Variants in ZNF300 observed in about 807,000 individuals in gnomAD.
ZNF300 encodes the protein kruppel-like zinc finger protein.
Under a neutral mutation model 13.9 loss-of-function variants are expected in ZNF300, and 6 were observed. The ratio of observed to expected loss-of-function variants is 0.43; its 90% CI spans 0.24 to 0.85. The LOEUF is 0.85. Ranked by LOEUF, ZNF300 falls within the 40% of genes least tolerant of loss-of-function variation. The probability of loss-of-function intolerance (pLI) is 0.25; values close to 1 mark genes in which losing one functional copy is unlikely to be tolerated. For missense variants in ZNF300, 662 were observed against 714.2 expected (o/e 0.93, Z 0.83); for synonymous variants, 237 against 242.2 (o/e 0.98, Z 0.20).
chr5:150,899,202 T>TTTCTA (rs1255609105), intron 3 of ZNF300, among the ~76,000 whole-genome samples: 1 of 152,100 alleles, frequency 6.6e-6, no homozygotes, highest in Non-Finnish European at 1.5e-5. Flanking sequence ...TGAGACTAAA[T>TTTCTA]TTCTATTGTT....
At chr5:150,903,653 C>A (rs1755057906) in intron 2 of ZNF300, among the ~76,000 whole-genome samples, 1 of 152,170 alleles carries the variant, frequency 6.6e-6, no homozygotes, top group Non-Finnish European at 1.5e-5. Context: ...TGAATTCCAA[C>A]AATTTTCCAA....
At position 150,896,628 on chromosome 5, in the gene ZNF300, T is replaced by TAAC. The variant is rs1754794417; in HGVS notation, c.608_610dup (p.Cys203dup). 1 of 1,613,552 alleles carries TAAC rather than the reference T, an allele frequency of 6.2e-7. No individual in the cohort carries two copies. The highest frequency in any genetic ancestry group is 1.3e-5 in the African/African-American group (1 of 74,904). ...AGGTTTTTTTCTTGAATTGCTCTTA[T>TAAC]AACAACTCGGTAGGTCAATATTTGG... On this transcript the variant is annotated inframe_insertion, in exon 6 of 6. Transcript: ENST00000274599.
rs1188667400 is a variant in ZNF300 at position 150,904,006 on chromosome 5, C to G, written c.-141-29G>C. 1.3e-5 allele frequency: 2 copies of G among 152,390 alleles called. 1 individual carries two copies. Among genetic ancestry groups the G allele is most frequent in the Non-Finnish European group, 2.9e-5 (2 of 68,082 alleles). 9.4% of individuals were successfully genotyped at this position (152,390 alleles called of 1,614,324 possible). On this transcript the variant is annotated intron_variant, in intron 1 of 5. Transcript: ENST00000274599. ...GAAGGAAACAAAAGAAACAATCATA[C>G]TCATCTCTGGATATCCCGCAGATGC...
chr5:150,900,180 A>G (rs1363403518), intron 3 of ZNF300, among the ~76,000 whole-genome samples: 10 of 152,168 alleles, frequency 6.6e-5, no homozygotes, highest in Non-Finnish European at 1.3e-4. Context: ...ATTTATTCTC[A>G]ATAGTCTAGG....
At chr5:150,903,034 T>C in intron 3 of ZNF300, 107 bp downstream of exon 3, 1 of 1,195,012 alleles carries the variant, frequency 8.4e-7, no homozygotes, top group African/African-American at 1.5e-5. Flanking sequence ...TCTTGATCTT[T>C]GTTGTTACCA....
rs1249006935 is a variant in ZNF300, at chr5:150,896,813, G to A, written c.426C>T (p.Asp142=). The A allele has an allele frequency of 6.2e-7, 1 of 1,613,618 alleles. No homozygotes were observed. The highest frequency in any genetic ancestry group is 1.3e-5 in the African/African-American group (1 of 74,894). ...GQLQRFLENQ[D]KLFRQVTFVN... ...CAAATGTGACCTGCCTGAAGAGTTT[G>A]TCTTGATTCTCTAGAAATCTCTGCA... is the stretch of plus-strand genomic sequence containing the variant. The change falls in exon 6 of 6, where the codon GAC becomes GAT. Residue 142 remains aspartate, a synonymous_variant. Coordinates refer to ENST00000274599, the MANE Select transcript of ZNF300 (RefSeq NM_052860.4).
intron 2 of ZNF300, among the ~76,000 whole-genome samples, chr5:150,903,622 T>G (rs1755057434): frequency 6.6e-6 from 1 of 152,198 alleles, no homozygotes; most frequent in African/African-American, 2.4e-5. Flanking sequence ...GTGTTCCCTA[T>G]TCCTAAAAAG....
chr5:150,900,353 T>A (rs867293270), intron 3 of ZNF300, among the ~76,000 whole-genome samples: 4 of 152,096 alleles, frequency 2.6e-5, no homozygotes, highest in Admixed American at 6.6e-5. Flanking sequence ...CCCTTTCTAC[T>A]TTTACAAATG....
intron 3 of ZNF300, 39 bp from the exon 4 acceptor site, chr5:150,898,593 T>G: frequency 6.5e-7 from 1 of 1,537,614 alleles, no homozygotes; most frequent in Non-Finnish European, 8.8e-7. Context: ...AAATGATCAT[T>G]CTCATAATTT....
At chr5:150,897,490 C>A (rs752342721) in intron 5 of ZNF300, 11 of 155,094 alleles carry the variant, frequency 7.1e-5, no homozygotes, top group Non-Finnish European at 1.3e-4. Flanking sequence ...TTCCACTACT[C>A]CCAATAAACT....
rs545797367 is a variant in ZNF300, at chr5:150,898,478, G to C, written c.92C>G (p.Thr31Ser). 3.1e-6 allele frequency: 5 copies of C among 1,613,284 alleles called. No individual in the cohort carries two copies. The South Asian group carries it at 5.5e-5, about 18-fold the overall frequency. Residue 31 changes from threonine to serine, a missense_variant, in exon 4 of 6, where the codon ACC becomes AGC. Physicochemically the swap from Thr to Ser is moderately conservative, Grantham distance 58 (BLOSUM62 1). Coordinates refer to ENST00000274599, the MANE Select transcript of ZNF300 (RefSeq NM_052860.4). ...CTCCAGCATCACATCCCTGTACAGGGTCCTCTGAGAAGGGTCAAGTTGCTG... is the reference window on the plus strand; with the variant it reads ...CTCCAGCATCACATCCCTGTACAGGCTCCTCTGAGAAGGGTCAAGTTGCTG... ...EWQQLDPSQR[T>S]LYRDVMLENY...
Position 150,896,304 on chromosome 5 carries a change from A to C in ZNF300, c.935T>G (p.Leu312Arg), listed in dbSNP as rs1288170426. The C allele has an allele frequency of 6.2e-7, 1 of 1,613,558 alleles. No individual in the cohort carries two copies. The highest frequency in any genetic ancestry group is 8.5e-7 in the Non-Finnish European group (1 of 1,179,800). The change falls in exon 6 of 6, where the codon CTT (leucine) becomes CGT (arginine). Residue 312 changes from leucine (L) to arginine (R), a missense_variant. Transcript: ENST00000274599. ...CGKAFSEKFHLVVHQRTHTGE... is the reference protein window; with the variant it reads ...CGKAFSEKFHRVVHQRTHTGE... ...AGTATGAGTTCTCTGATGTACAACA[A>C]GATGAAACTTCTCACTGAAGGCTTT...
rs754339131 is a variant in ZNF300, at chr5:150,896,406, A to G, written c.833T>C (p.Phe278Ser). ...TACAATGAGTTGTGACTTCTTAGCA[A>G]AGGCTTTTCCACATGTAACACATAC... is the stretch of plus-strand genomic sequence containing the variant. ...SCVCVTCGKA[F>S]AKKSQLIVHQ... The change falls in exon 6 of 6, where the codon TTT becomes TCT. Residue 278 changes from phenylalanine (F) to serine (S), a missense_variant. Coordinates refer to ENST00000274599, the MANE Select transcript of ZNF300 (RefSeq NM_052860.4). 14 of 1,613,590 alleles carry G rather than the reference A, an allele frequency of 8.7e-6. No homozygotes were observed. In the South Asian group the frequency reaches 9.9e-5, roughly 11 times the overall value.
rs1016502818 is a variant in ZNF300, at chr5:150,898,050, T to C, written c.265+12A>G. ...AATCAATTAAAAAAACATAAATTGA[T>C]ATTTCACTTCCCTTGTCTCCCATCT... On this transcript the variant is annotated intron_variant, in intron 5 of 5. Coordinates refer to ENST00000274599, the MANE Select transcript of ZNF300 (RefSeq NM_052860.4). 3.7e-6 allele frequency: 6 copies of C among 1,605,250 alleles called. No homozygotes were observed. The African/African-American group carries it at 8.1e-5, about 22-fold the overall frequency.
At chr5:150,903,503 TAGA>T (rs1229204500) in intron 2 of ZNF300, 2 of 773,846 alleles carry the variant, frequency 2.6e-6, no homozygotes, top group African/African-American at 1.7e-5. Flanking sequence ...ATTCTATTTA[TAGA>T]AGATTTTCAT....
intron 3 of ZNF300, among the ~76,000 whole-genome samples, chr5:150,899,456 T>C (rs1754918404): frequency 6.6e-6 from 1 of 152,168 alleles, no homozygotes; most frequent in Admixed American, 6.5e-5. Flanking sequence ...AATCATAGAA[T>C]GTCAGAGCTC....
At chr5:150,897,883 T>TAC (rs1754849544) in intron 5 of ZNF300, 179 bp downstream of exon 5, 1 of 662,408 alleles carries the variant, frequency 1.5e-6, no homozygotes, top group Admixed American at 3.4e-5. Flanking sequence ...CATATATATA[T>TAC]ACACACAAGA....
intron 3 of ZNF300, among the ~76,000 whole-genome samples, chr5:150,899,335 G>T (rs1466900679): frequency 6.6e-6 from 1 of 151,836 alleles, no homozygotes; most frequent in Non-Finnish European, 1.5e-5. Context: ...AGTACTAAAG[G>T]CCATAAAAGT....
chr5:150,902,800 C>T (rs1755032627), intron 3 of ZNF300, among the ~76,000 whole-genome samples: 1 of 152,194 alleles, frequency 6.6e-6, no homozygotes, highest in Non-Finnish European at 1.5e-5. Flanking sequence ...GGTGAGAACA[C>T]TGTGCACTCC....
Sources: gnomAD v4.1 joint callset for allele counts (sites outside exome capture counted in the v4.1 genomes callset) on GRCh38, gnomAD v4.1.1 for gene constraint, MANE v1.5 for transcripts, NCBI Gene and HGNC (gene_info 2026-07-23, HGNC 2026-07-21) for gene names.